Variants in MAP4K5 observed in about 807,000 individuals in gnomAD.
MAP4K5 encodes MAPK/ERK kinase kinase kinase 5.
In MAP4K5, 82 loss-of-function variants were observed where a neutral mutation model predicts 135.6. That is an observed-to-expected ratio of 0.60 (90% CI 0.51 to 0.73). MAP4K5 has a LOEUF of 0.73. Among genes scored for constraint, MAP4K5 ranks in the 30% least tolerant of loss-of-function variants. The pLI, the probability that MAP4K5 is intolerant of heterozygous loss-of-function variation, is 0.00. For missense variants in MAP4K5, 907 were observed against 1,010.9 expected, an observed-to-expected ratio of 0.90 and a Z score of 1.39; for synonymous variants, 347 against 335.0, an observed-to-expected ratio of 1.04 and a Z score of -0.39.
intron 2 of MAP4K5, among the ~76,000 whole-genome samples, chr14:50,509,551 A>G (rs1238905071): frequency 6.6e-6 from 1 of 152,184 alleles, no homozygotes; most frequent in Admixed American, 6.5e-5. Flanking sequence ...TCTTAAAGAA[A>G]TAATCTTAGA....
At chr14:50,482,245 C>T in intron 6 of MAP4K5, 116 bp downstream of exon 6, 1 of 576,692 alleles carries the variant, frequency 1.7e-6, no homozygotes, top group Non-Finnish European at 3.0e-6. Context: ...TACCCTTTCT[C>T]TTTAAGGTAG....
intron 2 of MAP4K5, among the ~76,000 whole-genome samples, chr14:50,524,156 C>T (rs1198438060): frequency 6.6e-6 from 1 of 152,160 alleles, no homozygotes; most frequent in Non-Finnish European, 1.5e-5. Flanking sequence ...GGTGATACGA[C>T]AAACTTAAAG....
chr14:50,431,054 T>C (rs546676211), intron 28 of MAP4K5, among the ~76,000 whole-genome samples: 2 of 152,138 alleles, frequency 1.3e-5, no homozygotes, highest in Non-Finnish European at 2.9e-5. Flanking sequence ...AACATGCAAT[T>C]GAAGGCGGTA....
At chr14:50,554,109 GTT>G (rs369844075) in intron 1 of MAP4K5, among the ~76,000 whole-genome samples, 34 of 146,594 alleles carry the variant, frequency 2.3e-4, no homozygotes, top group African/African-American at 8.0e-4. Context: ...TTTTTAAAAA[GTT>G]TTTTTTTTTT....
intron 6 of MAP4K5, among the ~76,000 whole-genome samples, chr14:50,480,618 T>G (rs1361139419): frequency 6.6e-6 from 1 of 152,178 alleles, no homozygotes; most frequent in Non-Finnish European, 1.5e-5. Flanking sequence ...CCATCCTTGT[T>G]CTTGAAAATA....
upstream of MAP4K5, among the ~76,000 whole-genome samples, chr14:50,533,953 A>G (rs1454038018): frequency 6.6e-6 from 1 of 152,232 alleles, no homozygotes; most frequent in African/African-American, 2.4e-5. Flanking sequence ...CTCCATGGAC[A>G]AAGCCTATGT....
In MAP4K5 at chr14:50,429,264, AG is replaced by A; in HGVS notation, c.2165-5del. The stretch of plus-strand genomic sequence containing the variant: ...ATGGAATCTAACTGCTGGCTGCCTT[AG>A]GAAGTAAAAAACAAGGTTACAATTA... On this transcript the variant is annotated splice_region_variant and splice_polypyrimidine_tract_variant and intron_variant, in intron 28 of 32. Transcript: ENST00000682126. 1 of 1,546,862 alleles carries A rather than the reference AG, an allele frequency of 6.5e-7. No individual in the cohort carries two copies. The highest frequency in any genetic ancestry group is 1.2e-5 in the South Asian group (1 of 83,502).
At position 50,435,206 on chromosome 14, in the gene MAP4K5, C is replaced by T. The variant is rs191476644; in HGVS notation, c.1883-141G>A. On this transcript the variant is annotated intron_variant, in intron 26 of 32. Transcript: ENST00000682126. The stretch of plus-strand genomic sequence containing the variant: ...TTTCTTTTGGCTTCATTGCCTTTTC[C>T]GTTTTACTTTCTTATCTCAATTTTA... The T allele has an allele frequency of 3.0e-4, 143 of 472,044 alleles. 1 individual carries two copies. The highest frequency in any genetic ancestry group is 1.3e-4 in the Non-Finnish European group (34 of 265,570). 29.2% of individuals were successfully genotyped at this position (472,044 alleles called of 1,614,324 possible). A position where few individuals can be genotyped will look rare whatever the true frequency, so the allele number is the denominator to read the frequency against.
chr14:50,464,756 G>A (rs1196296317), intron 11 of MAP4K5, among the ~76,000 whole-genome samples: 3 of 152,198 alleles, frequency 2.0e-5, no homozygotes, highest in Admixed American at 6.5e-5. Context: ...CTAAAGGTAT[G>A]AAATAACCGT....
In MAP4K5 at chr14:50,553,270, C is replaced by CAA. The variant is rs35423067; in HGVS notation, c.-180+7768_-180+7769dup. On this transcript the variant is annotated intron_variant, in intron 1 of 8. Transcript: ENST00000555216. ...TGGGTGACAAAGCAAGACTCCGTTTCAAAAAAAAAAAAAAAGTGGGTAAAG... is the reference window on the plus strand; with the variant it reads ...TGGGTGACAAAGCAAGACTCCGTTTCAAAAAAAAAAAAAAAAAGTGGGTAAAG... Among the ~76,000 whole-genome samples, 513 of 103,108 alleles carry CAA rather than the reference C, an allele frequency of 5.0e-3. 4 individuals carry two copies. The highest frequency in any genetic ancestry group is 8.5e-3 in the South Asian group (29 of 3,392). The allele number at this position is 103,108 out of a possible 152,430, so 67.6% of individuals were successfully genotyped here. A position where few individuals can be genotyped will look rare whatever the true frequency, so the allele number is the denominator to read the frequency against.
intron 2 of MAP4K5, among the ~76,000 whole-genome samples, chr14:50,528,148 T>C (rs2140115374): frequency 6.6e-6 from 1 of 152,232 alleles, no homozygotes; most frequent in East Asian, 1.9e-4. Flanking sequence ...CTCTTCTGTG[T>C]TTCTTTTCCC....
chr14:50,489,066 C>T (rs191104715), intron 3 of MAP4K5, among the ~76,000 whole-genome samples: 38 of 152,180 alleles, frequency 2.5e-4, no homozygotes, highest in Admixed American at 9.8e-4. Context: ...CTGGGTGATA[C>T]GCCAAATTAA....
rs752771860 is a variant in MAP4K5, at chr14:50,428,757, TAA to T, written c.2234-5_2234-4del. 1.3e-4 allele frequency: 138 copies of T among 1,098,102 alleles called. No homozygotes were observed. The highest frequency in any genetic ancestry group is 2.7e-4 in the Admixed American group (8 of 29,204). The allele number at this position is 1,098,102 out of a possible 1,614,324, so 68.0% of individuals were successfully genotyped here. A position where few individuals can be genotyped will look rare whatever the true frequency, so the allele number is the denominator to read the frequency against. On this transcript the variant is annotated splice_region_variant and splice_polypyrimidine_tract_variant and intron_variant, in intron 29 of 32. Coordinates refer to ENST00000682126, the MANE Select transcript of MAP4K5 (RefSeq NM_006575.6). ...TAGATTTACAATTTTCACAAATTCT[TAA>T]AAAAAAAAAACAAGTCAAGACTGGA...
At chr14:50,505,054 A>G in intron 2 of MAP4K5, 197 bp from the exon 3 acceptor site, 1 of 437,422 alleles carries the variant, frequency 2.3e-6, no homozygotes, top group Non-Finnish European at 4.0e-6. Context: ...TGTTTAAAAA[A>G]TTACCAATAG....
chr14:50,473,976 A>G (rs1387196426), intron 9 of MAP4K5, among the ~76,000 whole-genome samples: 4 of 152,122 alleles, frequency 2.6e-5, no homozygotes, highest in African/African-American at 9.7e-5. Flanking sequence ...CGCCCGCCTC[A>G]GCCTCTCAAA....
At chr14:50,453,725 C>A (rs894191800) in intron 14 of MAP4K5, among the ~76,000 whole-genome samples, 1 of 152,096 alleles carries the variant, frequency 6.6e-6, no homozygotes, top group Non-Finnish European at 1.5e-5. Flanking sequence ...ACCTGATGTT[C>A]ACCCTTTCAG....
At chr14:50,549,258 G>T (rs2038672472) in intron 1 of MAP4K5, among the ~76,000 whole-genome samples, 1 of 152,150 alleles carries the variant, frequency 6.6e-6, no homozygotes, top group South Asian at 2.1e-4. Flanking sequence ...GGTACAAATG[G>T]ATACTGACAC....
intron 2 of MAP4K5, among the ~76,000 whole-genome samples, chr14:50,518,119 CA>C (rs200659481): frequency 6.6e-6 from 1 of 151,438 alleles, no homozygotes; most frequent in Non-Finnish European, 1.5e-5. Context: ...TTAAAACGTC[CA>C]AAAAAAAGAC....
chr14:50,482,429 A>T lies in MAP4K5; in HGVS notation c.323-13T>A, dbSNP rs985522268. On this transcript the variant is annotated splice_polypyrimidine_tract_variant and intron_variant, in intron 5 of 32. Transcript: ENST00000682126. ...AATGGTCCAGTAACTAGAAAGAAAAAGAGACCACATTGTTATACATTTAAA... is the reference window on the plus strand; with the variant it reads ...AATGGTCCAGTAACTAGAAAGAAAATGAGACCACATTGTTATACATTTAAA... The T allele has an allele frequency of 6.7e-7, 1 of 1,502,690 alleles. No individual in the cohort carries two copies. The highest frequency in any genetic ancestry group is 2.4e-5 in the Admixed American group (1 of 41,062). The allele number at this position is 1,502,690 out of a possible 1,614,324, so 93.1% of individuals were successfully genotyped here. A position where few individuals can be genotyped will look rare whatever the true frequency, so the allele number is the denominator to read the frequency against.
Sources: allele counts gnomAD v4.1 joint callset (sites outside exome capture counted in the v4.1 genomes callset), GRCh38; gene constraint gnomAD v4.1.1; transcripts MANE v1.5; gene names NCBI Gene and HGNC (gene_info 2026-07-23, HGNC 2026-07-21).